The following SGK1 variants were observed in gnomAD, a reference collection of about 807,000 sequenced individuals.
SGK1 encodes serine/threonine-protein kinase Sgk1.
SGK1 carries 26 observed loss-of-function variants against 64.2 expected under a neutral mutation model. The ratio of observed to expected loss-of-function variants is 0.40; its 90% CI spans 0.30 to 0.56. SGK1 has a LOEUF of 0.56. SGK1 is among the 20% of genes least tolerant of loss of function. The probability of loss-of-function intolerance (pLI) is 0.38; values close to 1 mark genes in which losing one functional copy is unlikely to be tolerated. For missense variants in SGK1, 519 were observed against 645.6 expected (o/e 0.80, Z 2.12); for synonymous variants, 265 against 239.7 (o/e 1.11, Z -0.98).
chr6:134,261,968 C>G lies in SGK1; in HGVS notation c.250G>C (p.Glu84Gln). The G allele has an allele frequency of 6.2e-7, 1 of 1,613,402 alleles. No homozygotes were observed. Residue 84 changes from glutamate to glutamine, a missense_variant, in exon 2 of 14, where the codon GAG becomes CAG. This residue lies in a region of SGK1 where 241 missense variants were observed against 236.9 expected (regional missense o/e 1.02). Transcript: ENST00000367858. The stretch of plus-strand genomic sequence containing the variant: ...GATTGAGTTTCCCATGAACATGACT[C>G]GTTCTCCTGAGGGAGAACCCCTCTT... Reference protein sequence around the residue: ...FQRGVLPQENESCSWETQSGC... With the variant: ...FQRGVLPQENQSCSWETQSGC...
chr6:134,218,437 C>CTTT (rs71003680), intron 2 of SGK1, among the ~76,000 whole-genome samples: 31 of 129,152 alleles, frequency 2.4e-4, no homozygotes, highest in South Asian at 4.8e-4. Flanking sequence ...TTCTTTTTTT[C>CTTT]TTTTTTTTTT....
At chr6:134,201,029 A>G (rs550177235) in intron 3 of SGK1, among the ~76,000 whole-genome samples, 1 of 151,376 alleles carries the variant, frequency 6.6e-6, no homozygotes, top group Non-Finnish European at 1.5e-5. Flanking sequence ...TGACAAAAAC[A>G]TTGTCATTTT....
intron 2 of SGK1, among the ~76,000 whole-genome samples, chr6:134,220,098 GAAAA>G: frequency 8.3e-6 from 1 of 120,762 alleles, no homozygotes; most frequent in South Asian, 2.4e-4. Context: ...GAAAAGAAAA[GAAAA>G]GAAAAACACA....
intron 1 of SGK1, chr6:134,297,235 C>T (rs1271196131): frequency 1.0e-5 from 11 of 1,095,682 alleles, no homozygotes; most frequent in Middle Eastern, 2.8e-4. Flanking sequence ...CATTTCTAGC[C>T]CTCCAGCAGC....
chr6:134,296,831 C>G (rs1777356798), intron 1 of SGK1, among the ~76,000 whole-genome samples: 2 of 142,280 alleles, frequency 1.4e-5, no homozygotes, highest in African/African-American at 5.2e-5. Flanking sequence ...GAGGCATGGG[C>G]AAGGGGGGGT....
In SGK1 at chr6:134,206,876, A is replaced by C. The variant is rs1171178580; in HGVS notation, c.361+480T>G. ...AGCAAGACTCCGTCTCCAGAAAAAAAAAAAAAACAAAAAAAAAATTAATTG... is the reference window on the plus strand; with the variant it reads ...AGCAAGACTCCGTCTCCAGAAAAAACAAAAAAACAAAAAAAAAATTAATTG... On this transcript the variant is annotated intron_variant, in intron 3 of 13. Transcript: ENST00000367858. Among the ~76,000 whole-genome samples the C allele has an allele frequency of 4.7e-5, 5 of 106,098 alleles. 1 individual carries two copies. Among genetic ancestry groups the C allele is most frequent in the African/African-American group, 8.3e-5 (3 of 35,980 alleles). The allele number at this position is 106,098 out of a possible 152,430, so 69.6% of individuals were successfully genotyped here.
chr6:134,238,151 C>T (rs1175336466), intron 2 of SGK1, among the ~76,000 whole-genome samples: 1 of 152,100 alleles, frequency 6.6e-6, no homozygotes, highest in Non-Finnish European at 1.5e-5. Context: ...ATTTTCCCAC[C>T]TTTTGCATCA....
chr6:134,298,420 C>A, intron 1 of SGK1: 4 of 1,018,540 alleles, frequency 3.9e-6, no homozygotes, highest in Non-Finnish European at 6.2e-6. Flanking sequence ...CTTGATCTTC[C>A]CCTTCTTTTG....
At chr6:134,271,388 T>C (rs78603964) in intron 1 of SGK1, among the ~76,000 whole-genome samples, 1,790 of 147,798 alleles carry the variant, frequency 0.012, 77 homozygotes, top group African/African-American at 0.041. Context: ...TTTTTAGATA[T>C]AAAAAATTGT....
At chr6:134,240,167 C>T (rs1225562069) in intron 2 of SGK1, among the ~76,000 whole-genome samples, 1 of 152,040 alleles carries the variant, frequency 6.6e-6, no homozygotes, top group Non-Finnish European at 1.5e-5. Flanking sequence ...TGACCGACGC[C>T]TATAGTCCCA....
intron 1 of SGK1, among the ~76,000 whole-genome samples, chr6:134,267,144 G>C (rs966310102): frequency 2.0e-5 from 3 of 151,952 alleles, no homozygotes; most frequent in African/African-American, 7.3e-5. Flanking sequence ...CCGCACTCTA[G>C]AGCTTGAGTT....
intron 2 of SGK1, among the ~76,000 whole-genome samples, chr6:134,219,701 G>C (rs556090124): frequency 8.0e-4 from 119 of 148,502 alleles, no homozygotes; most frequent in Non-Finnish European, 1.5e-3. Flanking sequence ...CAGAGGTTGC[G>C]GTGAGCTGAA....
rs544086182 is a variant in SGK1 at position 134,193,672 on chromosome 6, C to T, written c.361+13684G>A. On this transcript the variant is annotated intron_variant, in intron 3 of 13. Coordinates refer to ENST00000367858, the MANE Select transcript of SGK1 (RefSeq NM_001143676.3). Reference sequence around the variant, plus strand: ...TAGATTTTCTTTTTTTGAGTGAGATCTTCTCACTCAGTCACCTGGCTGGAG... The same window carrying T: ...TAGATTTTCTTTTTTTGAGTGAGATTTTCTCACTCAGTCACCTGGCTGGAG... 2.7e-5 allele frequency among the ~76,000 whole-genome samples: 4 copies of T among 149,176 alleles called. No individual in the cohort carries two copies. In the East Asian group the frequency reaches 8.0e-4, roughly 30 times the overall value.
At chr6:134,255,545 T>G (rs1776669881) in intron 2 of SGK1, among the ~76,000 whole-genome samples, 1 of 149,086 alleles carries the variant, frequency 6.7e-6, no homozygotes, top group African/African-American at 2.5e-5. Flanking sequence ...AGACTCTGTC[T>G]CAAAAACAAA....
intron 3 of SGK1, chr6:134,175,609 C>T: frequency 1.3e-6 from 2 of 1,545,320 alleles, no homozygotes; most frequent in Non-Finnish European, 1.7e-6. Flanking sequence ...GTGGCGGGGC[C>T]GCAGCAGGGA....
At chr6:134,226,334 GC>G (rs536587326) in intron 2 of SGK1, among the ~76,000 whole-genome samples, 4 of 150,116 alleles carry the variant, frequency 2.7e-5, no homozygotes, top group African/African-American at 7.4e-5. Context: ...GCTGAATCCT[GC>G]CCCCCCTCAT....
At chr6:134,230,243 T>C (rs1776255671) in intron 2 of SGK1, among the ~76,000 whole-genome samples, 2 of 152,156 alleles carry the variant, frequency 1.3e-5, no homozygotes, top group African/African-American at 4.8e-5. Context: ...TTCCAGCATT[T>C]TGGGAGGCTG....
At chr6:134,274,665 C>T (rs1402103379) in intron 1 of SGK1, among the ~76,000 whole-genome samples, 1 of 145,518 alleles carries the variant, frequency 6.9e-6, no homozygotes, top group African/African-American at 2.6e-5. Flanking sequence ...ATTCCAAAAT[C>T]TGAAAAAAAA....
chr6:134,177,942 C>T, intron 3 of SGK1: 1 of 977,726 alleles, frequency 1.0e-6, no homozygotes, highest in Non-Finnish European at 1.5e-6. Context: ...TTTATTCTCC[C>T]CATTGCGACA....
Sources: allele counts gnomAD v4.1 joint callset (sites outside exome capture counted in the v4.1 genomes callset), GRCh38; gene constraint gnomAD v4.1.1; regional missense constraint gnomAD v4.1.1; transcripts MANE v1.5; gene names NCBI Gene and HGNC (gene_info 2026-07-23, HGNC 2026-07-21).